Variants in PDK1 observed in about 807,000 individuals in gnomAD.
PDK1 encodes [Pyruvate dehydrogenase (acetyl-transferring)] kinase isozyme 1, mitochondrial.
A neutral mutation model predicts 54.2 loss-of-function variants in PDK1; 39 were observed. That is an observed-to-expected ratio of 0.72 (90% CI 0.56 to 0.94). The LOEUF (loss-of-function observed/expected upper bound fraction) is 0.94. Among genes scored for constraint, PDK1 ranks in the 40% least tolerant of loss-of-function variants. PDK1 has a pLI of 0.00. For synonymous variants in PDK1, 221 were observed against 207.1 expected, an observed-to-expected ratio of 1.07 and a Z score of -0.58; for missense variants, 552 against 566.0, an observed-to-expected ratio of 0.98 and a Z score of 0.25.
At chr2:172,661,137 G>C in the PDK1 span, among the ~76,000 whole-genome samples, 1 of 152,098 alleles carries the variant, frequency 6.6e-6, no homozygotes, top group African/African-American at 2.4e-5. Flanking sequence ...AGCAGCTAGG[G>C]CTGAGGCTTA....
At chr2:172,701,795 G>C in the PDK1 span, among the ~76,000 whole-genome samples, 1 of 151,810 alleles carries the variant, frequency 6.6e-6, no homozygotes, top group Admixed American at 6.6e-5. Context: ...ATTGTTATGA[G>C]ATGTTCCTTT....
chr2:172,714,844 TCA>T, the PDK1 span, among the ~76,000 whole-genome samples: 2 of 152,148 alleles, frequency 1.3e-5, no homozygotes, highest in South Asian at 4.1e-4. Flanking sequence ...GTAGAATCCA[TCA>T]TCCAATTTTG....
At chr2:172,617,997 A>G in the PDK1 span, among the ~76,000 whole-genome samples, 4 of 152,202 alleles carry the variant, frequency 2.6e-5, no homozygotes, top group African/African-American at 2.4e-5. Flanking sequence ...CAACACTTTT[A>G]GGGGTTATAT....
chr2:172,671,046 T>C, the PDK1 span, among the ~76,000 whole-genome samples: 358 of 151,892 alleles, frequency 2.4e-3, 2 homozygotes, highest in Non-Finnish European at 3.6e-3. Context: ...CTTATCTTTA[T>C]AGGAAGGATG....
At chr2:172,588,517 G>A (rs1233289796) in intron 9 of PDK1, among the ~76,000 whole-genome samples, 2 of 152,228 alleles carry the variant, frequency 1.3e-5, no homozygotes, top group Admixed American at 1.3e-4. Flanking sequence ...GTAAGTGTGT[G>A]TTATTTTAGG....
chr2:172,720,113 TCTC>T, the PDK1 span, among the ~76,000 whole-genome samples: 5,932 of 109,894 alleles, frequency 0.054, 270 homozygotes, highest in East Asian at 0.22. Context: ...TCTCTCTCTC[TCTC>T]TTTTTTTTTT....
At chr2:172,700,652 C>T in the PDK1 span, among the ~76,000 whole-genome samples, 5 of 152,216 alleles carry the variant, frequency 3.3e-5, no homozygotes, top group East Asian at 5.8e-4. Context: ...CTAAGGCAGG[C>T]GGCTGGGAGG....
the PDK1 span, among the ~76,000 whole-genome samples, chr2:172,662,470 A>G: frequency 7.7e-6 from 1 of 130,666 alleles, no homozygotes; most frequent in Non-Finnish European, 1.7e-5. Context: ...AATTATAGCT[A>G]TAAAGGGAAG....
At chr2:172,586,221 T>G in intron 8 of PDK1, 57 bp from the exon 9 acceptor site, 1 of 987,478 alleles carries the variant, frequency 1.0e-6, no homozygotes, top group Non-Finnish European at 1.6e-6. Context: ...GAGTATGTGT[T>G]GATATTTTGC....
the PDK1 span, among the ~76,000 whole-genome samples, chr2:172,696,469 A>G: frequency 2.6e-5 from 4 of 152,252 alleles, no homozygotes; most frequent in African/African-American, 9.6e-5. Flanking sequence ...AACAGCCTAT[A>G]AAGTGTTGAT....
At chr2:172,711,690 T>C in the PDK1 span, among the ~76,000 whole-genome samples, 1 of 151,710 alleles carries the variant, frequency 6.6e-6, no homozygotes, top group African/African-American at 2.4e-5. Flanking sequence ...CATAGTGAAA[T>C]GCTGTCTCTA....
downstream of PDK1, among the ~76,000 whole-genome samples, chr2:172,610,375 G>C (rs1410968961): frequency 6.6e-6 from 1 of 152,058 alleles, no homozygotes; most frequent in African/African-American, 2.4e-5. Flanking sequence ...CTCTGAGCAT[G>C]GGCACACCGG....
the PDK1 span, among the ~76,000 whole-genome samples, chr2:172,655,048 A>T: frequency 1.3e-5 from 2 of 152,200 alleles, no homozygotes; most frequent in African/African-American, 4.8e-5. Flanking sequence ...AAGACTCCAC[A>T]GTCAGAATAT....
chr2:172,644,986 C>G, the PDK1 span, among the ~76,000 whole-genome samples: 1 of 151,210 alleles, frequency 6.6e-6, no homozygotes, highest in Non-Finnish European at 1.5e-5. Flanking sequence ...TACTAATACC[C>G]AGTACATAGG....
the PDK1 span, among the ~76,000 whole-genome samples, chr2:172,631,245 C>T: frequency 6.6e-6 from 1 of 152,348 alleles, no homozygotes; most frequent in African/African-American, 2.4e-5. Context: ...TTCATTCCAT[C>T]CCATCCCATC....
chr2:172,706,408 G>A, the PDK1 span, among the ~76,000 whole-genome samples: 1 of 151,238 alleles, frequency 6.6e-6, no homozygotes, highest in Non-Finnish European at 1.5e-5. Flanking sequence ...TCTTGGTGTT[G>A]GTGTCTGTCA....
the PDK1 span, among the ~76,000 whole-genome samples, chr2:172,650,862 A>T: frequency 1.3e-5 from 2 of 152,168 alleles, no homozygotes; most frequent in Non-Finnish European, 2.9e-5. Flanking sequence ...AGAGACTTAG[A>T]CTCCCACACA....
At chr2:172,639,762 A>G in the PDK1 span, among the ~76,000 whole-genome samples, 1 of 152,174 alleles carries the variant, frequency 6.6e-6, no homozygotes, top group Non-Finnish European at 1.5e-5. Context: ...TCATGAAGGG[A>G]TTAGTGCCAT....
intron 8 of PDK1, among the ~76,000 whole-genome samples, chr2:172,574,399 GT>G (rs1325638203): frequency 6.6e-6 from 1 of 152,182 alleles, no homozygotes; most frequent in Non-Finnish European, 1.5e-5. Flanking sequence ...TATTTTGGCT[GT>G]TATGGGTTCT....
Sources: gnomAD v4.1 joint callset for allele counts (sites outside exome capture counted in the v4.1 genomes callset) on GRCh38, gnomAD v4.1.1 for gene constraint, MANE v1.5 for transcripts, NCBI Gene and HGNC (gene_info 2026-07-23, HGNC 2026-07-21) for gene names.